WWOX: variants seen among roughly 807,000 people sequenced by gnomAD.
The protein encoded by WWOX is WW domain containing oxidoreductase.
WWOX carries 69 observed loss-of-function variants against 46.2 expected under a neutral mutation model. The ratio of observed to expected loss-of-function variants is 1.49; its 90% CI spans 1.23 to 1.82. WWOX has a LOEUF of 1.82. Among genes scored for constraint, WWOX ranks in the 40% most tolerant of loss-of-function variants. WWOX has a pLI of 0.00. For synonymous variants in WWOX, 359 were observed against 202.6 expected (o/e 1.77, Z -6.56); for missense variants, 919 against 542.6 (o/e 1.69, Z -6.89).
In WWOX at chr16:79,105,550, A is replaced by G. The variant is rs377552563; in HGVS notation, c.1057-106058A>G. ...TGTATTTAGATATTTCTAGAAATGC[A>G]TATATAGCTATTTTTGCTTTTATAA... On this transcript the variant is annotated intron_variant, in intron 8 of 8. Coordinates refer to ENST00000566780, the MANE Select transcript of WWOX (RefSeq NM_016373.4). 2.4e-4 allele frequency among the ~76,000 whole-genome samples: 37 copies of G among 152,312 alleles called. 1 individual carries two copies. In the South Asian group the frequency reaches 7.5e-3, roughly 31 times the overall value.
chr16:78,107,875 A>T (rs1308273725), intron 1 of WWOX, among the ~76,000 whole-genome samples: 2 of 152,140 alleles, frequency 1.3e-5, no homozygotes, highest in African/African-American at 4.8e-5. Flanking sequence ...TTTTGTCCCT[A>T]CATCGTGGAA....
chr16:78,824,889 A>G (rs1302517932), intron 8 of WWOX, among the ~76,000 whole-genome samples: 2 of 152,174 alleles, frequency 1.3e-5, no homozygotes, highest in Non-Finnish European at 2.9e-5. Flanking sequence ...ACAGAGAGGA[A>G]GCGACACACC....
At chr16:78,228,842 C>G (rs916423951) in intron 5 of WWOX, among the ~76,000 whole-genome samples, 1 of 152,148 alleles carries the variant, frequency 6.6e-6, no homozygotes, top group African/African-American at 2.4e-5. Context: ...AATACTCTAC[C>G]TGGGTGAGGC....
chr16:78,340,170 ATTTCT>A (rs1373135628), intron 5 of WWOX, among the ~76,000 whole-genome samples: 1 of 106,482 alleles, frequency 9.4e-6, no homozygotes, highest in Admixed American at 9.2e-5. Context: ...AATTGTTTTC[ATTTCT>A]TTTGGTAATT....
chr16:78,346,104 A>G (rs2151903105), intron 5 of WWOX, among the ~76,000 whole-genome samples: 1 of 121,290 alleles, frequency 8.2e-6, no homozygotes, highest in South Asian at 2.5e-4. Context: ...ATTTTCTAGA[A>G]TTTTAGATAA....
At chr16:78,467,895 T>A (rs150777859) in intron 8 of WWOX, among the ~76,000 whole-genome samples, 2 of 152,354 alleles carry the variant, frequency 1.3e-5, no homozygotes, top group East Asian at 3.9e-4. Flanking sequence ...CCAAACTCAG[T>A]GATACTGATC....
At chr16:78,131,438 C>T (rs2033589148) in intron 4 of WWOX, among the ~76,000 whole-genome samples, 1 of 152,132 alleles carries the variant, frequency 6.6e-6, no homozygotes, top group Non-Finnish European at 1.5e-5. Context: ...TGGTCTTGAA[C>T]TCGTGGGCTC....
At chr16:78,233,353 C>G (rs1466436495) in intron 5 of WWOX, among the ~76,000 whole-genome samples, 1 of 151,950 alleles carries the variant, frequency 6.6e-6, no homozygotes, top group African/African-American at 2.4e-5. Context: ...ACCCTTTTAA[C>G]AAATTTTTAA....
intron 8 of WWOX, among the ~76,000 whole-genome samples, chr16:79,049,907 A>C (rs1025436534): frequency 2.4e-4 from 36 of 151,874 alleles, no homozygotes; most frequent in African/African-American, 8.5e-4. Context: ...ATGCAGAAGG[A>C]CATGGAGTGG....
At chr16:78,651,304 G>T (rs1299292708) in intron 8 of WWOX, among the ~76,000 whole-genome samples, 1 of 152,240 alleles carries the variant, frequency 6.6e-6, no homozygotes, top group Non-Finnish European at 1.5e-5. Context: ...GCCCTGAGGT[G>T]CCAGAAGGCT....
intron 8 of WWOX, among the ~76,000 whole-genome samples, chr16:78,762,353 C>G (rs4888842): frequency 0.54 from 81,814 of 152,082 alleles, 25,872 homozygotes; most frequent in Non-Finnish European, 0.71. Context: ...TGACTGACCC[C>G]AGGCCTGCTG....
intron 8 of WWOX, among the ~76,000 whole-genome samples, chr16:78,899,987 C>T (rs534484932): frequency 6.7e-6 from 1 of 150,328 alleles, no homozygotes; most frequent in African/African-American, 2.4e-5. Flanking sequence ...TTGTTAAATT[C>T]AGGACTTTAA....
intron 8 of WWOX, among the ~76,000 whole-genome samples, chr16:79,126,228 T>C (rs989976209): frequency 6.6e-6 from 1 of 152,082 alleles, no homozygotes; most frequent in Non-Finnish European, 1.5e-5. Flanking sequence ...TTTGGGGTGC[T>C]GGGAGGACAG....
intron 8 of WWOX, among the ~76,000 whole-genome samples, chr16:78,601,826 C>A (rs1419775847): frequency 6.6e-6 from 1 of 152,024 alleles, no homozygotes; most frequent in Non-Finnish European, 1.5e-5. Context: ...GACATTCCAA[C>A]TGGGAATATT....
rs939322125 is a variant in WWOX at position 78,770,255 on chromosome 16, G to A, written c.1056+337503G>A. 3.9e-5 allele frequency among the ~76,000 whole-genome samples: 6 copies of A among 152,192 alleles called. No individual in the cohort carries two copies. The South Asian group carries it at 1.0e-3, about 26-fold the overall frequency. On this transcript the variant is annotated intron_variant, in intron 8 of 8. Coordinates refer to ENST00000566780, the MANE Select transcript of WWOX (RefSeq NM_016373.4). The stretch of plus-strand genomic sequence containing the variant: ...AGTTCCAGCTACTTGGGAGGCTGAG[G>A]CAGGAGAATCACTTGAATCCGGGAG...
At chr16:78,750,585 C>T (rs538242772) in intron 8 of WWOX, among the ~76,000 whole-genome samples, 1 of 152,008 alleles carries the variant, frequency 6.6e-6, no homozygotes, top group African/African-American at 2.4e-5. Flanking sequence ...GAACCCATCA[C>T]CCAAATTAGT....
chr16:78,630,222 A>G (rs753626618), intron 8 of WWOX, among the ~76,000 whole-genome samples: 58 of 152,314 alleles, frequency 3.8e-4, no homozygotes, highest in Non-Finnish European at 5.9e-4. Context: ...AAGGCCAGGC[A>G]CTGGGGTCCT....
chr16:78,358,432 C>T (rs2081341344), intron 5 of WWOX, among the ~76,000 whole-genome samples: 6 of 152,044 alleles, frequency 3.9e-5, no homozygotes, highest in Admixed American at 3.9e-4. Context: ...CTGAGGTGGG[C>T]AGATCACTTG....
chr16:78,542,017 C>CAAAAAA (rs1567632444), intron 8 of WWOX, among the ~76,000 whole-genome samples: 1 of 8,738 alleles, frequency 1.1e-4, no homozygotes, highest in African/African-American at 1.8e-4. Context: ...ACAGAGTATA[C>CAAAAAA]CAAAAAAAAA....
Sources: allele counts gnomAD v4.1 joint callset (sites outside exome capture counted in the v4.1 genomes callset), GRCh38; gene constraint gnomAD v4.1.1; transcripts MANE v1.5; gene names NCBI Gene and HGNC (gene_info 2026-07-23, HGNC 2026-07-21).